PTGER3: variants seen among roughly 807,000 people sequenced by gnomAD.
PTGER3 encodes prostaglandin E2 receptor EP3 subtype.
PTGER3 carries 22 observed loss-of-function variants against 34.7 expected under a neutral mutation model. That is an observed-to-expected ratio of 0.63 (90% CI 0.45 to 0.91). The LOEUF is 0.91. Among genes scored for constraint, PTGER3 ranks in the 40% least tolerant of loss-of-function variants. PTGER3 has a pLI of 0.00. For missense variants in PTGER3, 468 were observed against 519.4 expected (o/e 0.90, Z 0.96); for synonymous variants, 241 against 230.1 (o/e 1.05, Z -0.43).
intron 2 of PTGER3, among the ~76,000 whole-genome samples, chr1:71,004,715 T>C (rs959840137): frequency 3.9e-5 from 6 of 152,168 alleles, no homozygotes; most frequent in African/African-American, 7.2e-5. Context: ...AAAAAGAGAA[T>C]AGAGATTGGA....
chr1:70,996,639 TTTTA>T lies in PTGER3; in HGVS notation c.1077+15662_1077+15665del, dbSNP rs763272005. Among the ~76,000 whole-genome samples the T allele has an allele frequency of 6.3e-3, 771 of 122,728 alleles. 6 individuals carry two copies. The highest frequency in any genetic ancestry group is 0.013 in the East Asian group (51 of 3,880). 80.5% of individuals were successfully genotyped at this position (122,728 alleles called of 152,430 possible). A position where few individuals can be genotyped will look rare whatever the true frequency, so the allele number is the denominator to read the frequency against. On this transcript the variant is annotated intron_variant, in intron 2 of 3. Coordinates refer to ENST00000306666, the MANE Select transcript of PTGER3 (RefSeq NM_198719.2). The stretch of plus-strand genomic sequence containing the variant: ...CCATGCCCGGCTAATTTTTTTGTAT[TTTTA>T]TTTATTTATTTATTTATTTATTTAT...
At chr1:71,000,452 T>C (rs1473187775) in intron 2 of PTGER3, among the ~76,000 whole-genome samples, 1 of 152,204 alleles carries the variant, frequency 6.6e-6, no homozygotes, top group Non-Finnish European at 1.5e-5. Flanking sequence ...TTAGTGTTCA[T>C]GTGTCCCTGA....
intron 4 of PTGER3, among the ~76,000 whole-genome samples, chr1:70,907,180 T>G (rs912430371): frequency 7.2e-5 from 11 of 152,232 alleles, no homozygotes; most frequent in Non-Finnish European, 1.5e-4. Context: ...TGTTTCTGTT[T>G]TAGCTATGGA....
chr1:71,020,296 CATT>C (rs1658288487), intron 1 of PTGER3, among the ~76,000 whole-genome samples: 2 of 152,228 alleles, frequency 1.3e-5, no homozygotes, highest in South Asian at 4.1e-4. Flanking sequence ...GCCATTTCGT[CATT>C]ACTACTACGT....
intron 2 of PTGER3, among the ~76,000 whole-genome samples, chr1:70,992,646 A>T (rs913412082): frequency 6.6e-6 from 1 of 152,242 alleles, no homozygotes; most frequent in East Asian, 1.9e-4. Flanking sequence ...TCTACCATGC[A>T]CTCAGGTGGA....
intron 2 of PTGER3, among the ~76,000 whole-genome samples, chr1:70,994,312 C>T (rs544588542): frequency 5.9e-4 from 90 of 152,176 alleles, no homozygotes; most frequent in African/African-American, 2.0e-3. Flanking sequence ...GGACCTTTAC[C>T]GGGATGGAAA....
At chr1:70,909,751 T>C (rs1647024356) in intron 4 of PTGER3, among the ~76,000 whole-genome samples, 1 of 152,232 alleles carries the variant, frequency 6.6e-6, no homozygotes, top group Non-Finnish European at 1.5e-5. Flanking sequence ...CTGCAGAGTC[T>C]TTATAATATC....
At chr1:70,861,739 A>T (rs1348191902) in intron 4 of PTGER3, among the ~76,000 whole-genome samples, 1 of 151,660 alleles carries the variant, frequency 6.6e-6, no homozygotes, top group Non-Finnish European at 1.5e-5. Flanking sequence ...TGGTATCTGC[A>T]GCTTGCTGTG....
intron 2 of PTGER3, chr1:71,009,402 A>G (rs1276572892): frequency 3.1e-6 from 3 of 980,332 alleles, no homozygotes; most frequent in Non-Finnish European, 3.6e-6. Context: ...TTTACCTAAA[A>G]TATCTTGGGA....
chr1:70,885,127 A>G (rs939688218), intron 4 of PTGER3, among the ~76,000 whole-genome samples: 5 of 151,854 alleles, frequency 3.3e-5, no homozygotes, highest in Non-Finnish European at 7.4e-5. Context: ...AGTGACCAGG[A>G]ATAAGTTTTT....
intron 4 of PTGER3, among the ~76,000 whole-genome samples, chr1:70,862,711 T>C (rs1337792186): frequency 6.6e-6 from 1 of 151,830 alleles, no homozygotes; most frequent in East Asian, 1.9e-4. Context: ...GGGTAGAAGA[T>C]GAATGGCGGA....
intron 2 of PTGER3, among the ~76,000 whole-genome samples, chr1:70,985,086 C>T (rs1429132433): frequency 1.3e-5 from 2 of 152,112 alleles, no homozygotes; most frequent in African/African-American, 4.8e-5. Context: ...CCGACAAAAT[C>T]CTTCTAGTGC....
chr1:70,886,042 G>T (rs1646490979), intron 4 of PTGER3, among the ~76,000 whole-genome samples: 1 of 152,100 alleles, frequency 6.6e-6, no homozygotes, highest in African/African-American at 2.4e-5. Context: ...CTGCATATTT[G>T]TCTCCCCCAT....
At chr1:70,998,355 A>C (rs1275882651) in intron 2 of PTGER3, 1 of 152,224 alleles carries the variant, frequency 6.6e-6, no homozygotes. Flanking sequence ...AGCGATTTAC[A>C]CTTTGGGAAA....
At chr1:70,876,746 T>C (rs891195156) in intron 4 of PTGER3, among the ~76,000 whole-genome samples, 3 of 152,170 alleles carry the variant, frequency 2.0e-5, no homozygotes, top group Non-Finnish European at 4.4e-5. Flanking sequence ...GTCAACTTTG[T>C]CAAAAACAAG....
chr1:71,002,312 A>T (rs1164707243), intron 2 of PTGER3: 2 of 152,196 alleles, frequency 1.3e-5, no homozygotes, highest in Admixed American at 6.5e-5. Flanking sequence ...TAACAATCTT[A>T]TGCTGATAAG....
chr1:70,900,764 T>C (rs1164927492), intron 4 of PTGER3, among the ~76,000 whole-genome samples: 1 of 152,150 alleles, frequency 6.6e-6, no homozygotes, highest in Admixed American at 6.6e-5. Flanking sequence ...TATACAGAAC[T>C]TAGTGTACTC....
intron 4 of PTGER3, among the ~76,000 whole-genome samples, chr1:70,914,291 T>A (rs1323037171): frequency 6.6e-6 from 1 of 151,768 alleles, no homozygotes; most frequent in East Asian, 1.9e-4. Context: ...TAAACTGCAG[T>A]TGATATCTAG....
At chr1:70,852,510 C>G in exon 5 of PTGER3, 1 of 364,022 alleles carries the variant, frequency 2.7e-6, no homozygotes, top group South Asian at 3.5e-5. Context: ...CGATTTAGAG[C>G]TCCATGTTTC....
Sources: allele counts gnomAD v4.1 joint callset (sites outside exome capture counted in the v4.1 genomes callset), GRCh38; gene constraint gnomAD v4.1.1; transcripts MANE v1.5; gene names NCBI Gene and HGNC (gene_info 2026-07-23, HGNC 2026-07-21).